Variants in OTUD7A observed in about 807,000 individuals in gnomAD.
OTUD7A encodes the protein OTU domain-containing protein 7A.
A neutral mutation model predicts 65.7 loss-of-function variants in OTUD7A; 12 were observed. The ratio of observed to expected loss-of-function variants is 0.18; its 90% CI spans 0.12 to 0.30. OTUD7A has a LOEUF of 0.30. Ranked by LOEUF, OTUD7A falls within the 10% of genes least tolerant of loss-of-function variation. OTUD7A has a pLI of 1.00. For synonymous variants in OTUD7A, 641 were observed against 586.3 expected, an observed-to-expected ratio of 1.09 and a Z score of -1.35; for missense variants, 1,148 against 1,304.8, an observed-to-expected ratio of 0.88 and a Z score of 1.85.
At chr15:31,601,907 G>C (rs570994712) in intron 3 of OTUD7A, among the ~76,000 whole-genome samples, 1 of 152,256 alleles carries the variant, frequency 6.6e-6, no homozygotes, top group South Asian at 2.1e-4. Flanking sequence ...AAGCCAGGAA[G>C]AAGTCAAATC....
chr15:31,521,865 T>A lies in OTUD7A; in HGVS notation c.893+4484A>T, dbSNP rs145388122. Among the ~76,000 whole-genome samples, 487 of 152,302 alleles carry A rather than the reference T, an allele frequency of 3.2e-3. 2 individuals carry two copies. The highest frequency in any genetic ancestry group is 0.011 in the African/African-American group (457 of 41,576). On this transcript the variant is annotated intron_variant, in intron 8 of 12. Coordinates refer to ENST00000307050, the MANE Select transcript of OTUD7A (RefSeq NM_001382637.1). Reference sequence around the variant, plus strand: ...AACGGTCCCTCTTGCTCTGCTCTCTTCTCCTCTTTGTCTGTCGGACTGGCC... The same window carrying A: ...AACGGTCCCTCTTGCTCTGCTCTCTACTCCTCTTTGTCTGTCGGACTGGCC...
intron 12 of OTUD7A, among the ~76,000 whole-genome samples, chr15:31,486,796 T>C (rs1233996710): frequency 1.3e-5 from 2 of 152,258 alleles, no homozygotes; most frequent in Non-Finnish European, 2.9e-5. Flanking sequence ...GGCAGCACAT[T>C]GTGTTCTGAT....
chr15:31,589,926 A>G (rs1206656127), intron 3 of OTUD7A, among the ~76,000 whole-genome samples: 1 of 152,208 alleles, frequency 6.6e-6, no homozygotes, highest in Non-Finnish European at 1.5e-5. Flanking sequence ...CTTATGATAA[A>G]AGGATAATAA....
At chr15:31,514,037 T>TTTTC (rs148926323) in intron 8 of OTUD7A, among the ~76,000 whole-genome samples, 34 of 141,666 alleles carry the variant, frequency 2.4e-4, no homozygotes, top group South Asian at 4.3e-4. Flanking sequence ...TCTTTTTTTC[T>TTTTC]TTTCTTTCTT....
At chr15:31,543,831 T>A (rs570527930) in intron 5 of OTUD7A, among the ~76,000 whole-genome samples, 2 of 151,730 alleles carry the variant, frequency 1.3e-5, no homozygotes, top group African/African-American at 4.8e-5. Flanking sequence ...CTATCGGTAA[T>A]TGAGAGAAAA....
chr15:31,525,364 A>C (rs1366859759), intron 8 of OTUD7A, among the ~76,000 whole-genome samples: 1 of 152,226 alleles, frequency 6.6e-6, no homozygotes, highest in Non-Finnish European at 1.5e-5. Flanking sequence ...CCCTGGAGGA[A>C]GGGTGTGCCA....
intron 1 of OTUD7A, among the ~76,000 whole-genome samples, chr15:31,825,363 A>G (rs1439948463): frequency 2.0e-5 from 3 of 152,240 alleles, no homozygotes; most frequent in African/African-American, 7.2e-5. Context: ...GAAGCAGGCA[A>G]GGAAAGAATA....
chr15:31,500,704 T>G (rs1432324028), intron 10 of OTUD7A, among the ~76,000 whole-genome samples: 1 of 152,250 alleles, frequency 6.6e-6, no homozygotes, highest in Non-Finnish European at 1.5e-5. Flanking sequence ...CTTCCTGAGC[T>G]GCACACTCAG....
At chr15:31,766,426 T>G in intron 1 of OTUD7A, 1 of 1,581,142 alleles carries the variant, frequency 6.3e-7, no homozygotes, top group South Asian at 1.1e-5. Flanking sequence ...AAACTTTGTG[T>G]GCCAGTCAAC....
Position 31,611,436 on chromosome 15 carries a change from G to A in OTUD7A, c.152-41239C>T, listed in dbSNP as rs148108486. Among the ~76,000 whole-genome samples the A allele has an allele frequency of 1.2e-4, 18 of 152,180 alleles. No individual in the cohort carries two copies. The East Asian group carries it at 2.9e-3, about 25-fold the overall frequency. Reference sequence around the variant, plus strand: ...AGTAAGATTAACCAAGAAAAGAAGAGAGAAAATCCAAATAACCTCATTAAG... The same window carrying A: ...AGTAAGATTAACCAAGAAAAGAAGAAAGAAAATCCAAATAACCTCATTAAG... On this transcript the variant is annotated intron_variant, in intron 3 of 12. Transcript: ENST00000307050.
chr15:31,522,182 G>A (rs146845777), intron 8 of OTUD7A, among the ~76,000 whole-genome samples: 1 of 152,216 alleles, frequency 6.6e-6, no homozygotes, highest in African/African-American at 2.4e-5. Context: ...GGCATTTTGG[G>A]TGAGATTAGC....
At position 31,483,169 on chromosome 15, in the gene OTUD7A, G is replaced by C. The variant is rs757404867; in HGVS notation, c.*125C>G. 1.1e-6 allele frequency: 1 copy of C among 912,824 alleles called. No homozygotes were observed. The highest frequency in any genetic ancestry group is 1.8e-5 in the African/African-American group (1 of 55,738). The allele number at this position is 912,824 out of a possible 1,614,324, so 56.5% of individuals were successfully genotyped here. ...CCATTAGGAACGTTTGACCAAACAC[G>C]TACACGGCACTGACAGAGGAGGCGC... is the stretch of plus-strand genomic sequence containing the variant. On this transcript the variant is annotated 3_prime_UTR_variant, in exon 13 of 13. Transcript: ENST00000307050.
At position 31,559,203 on chromosome 15, in the gene OTUD7A, G is replaced by A. The variant is rs774686811; in HGVS notation, c.332-16C>T. The A allele has an allele frequency of 1.1e-5, 18 of 1,609,170 alleles. No individual in the cohort carries two copies. The highest frequency in any genetic ancestry group is 1.5e-5 in the Non-Finnish European group (18 of 1,177,160). On this transcript the variant is annotated splice_polypyrimidine_tract_variant and intron_variant, in intron 4 of 12. Transcript: ENST00000307050. ...AGCCGCTTTTCTGCAGGGGGAGAAG[G>A]AAAGATAGCCCCAAGGGCTGAGTGG...
chr15:31,669,926 TG>T (rs749603199), intron 1 of OTUD7A, among the ~76,000 whole-genome samples: 4 of 148,086 alleles, frequency 2.7e-5, no homozygotes, highest in African/African-American at 1.0e-4. Context: ...ATTTCTCCAT[TG>T]GGGGTGTGTG....
intron 1 of OTUD7A, among the ~76,000 whole-genome samples, chr15:31,748,464 A>T (rs1894539510): frequency 6.6e-6 from 1 of 151,552 alleles, no homozygotes; most frequent in South Asian, 2.1e-4. Context: ...ATATATATAA[A>T]ATATATATAG....
chr15:31,795,315 G>C (rs958937985), intron 1 of OTUD7A, among the ~76,000 whole-genome samples: 1 of 152,216 alleles, frequency 6.6e-6, no homozygotes, highest in Non-Finnish European at 1.5e-5. Context: ...CGGGAAGGTT[G>C]AACAGAGTCG....
At chr15:31,509,827 C>T (rs941766093) in intron 8 of OTUD7A, among the ~76,000 whole-genome samples, 3 of 151,540 alleles carry the variant, frequency 2.0e-5, no homozygotes, top group Non-Finnish European at 2.9e-5. Context: ...CATGTTTTAA[C>T]GTTCTGCCTT....
chr15:31,695,753 T>A, intron 1 of OTUD7A, among the ~76,000 whole-genome samples: 1 of 151,882 alleles, frequency 6.6e-6, no homozygotes, highest in Non-Finnish European at 1.5e-5. Flanking sequence ...AAGTCACGGC[T>A]TGCCTTGTCA....
At chr15:31,531,581 C>T (rs1469346891) in intron 5 of OTUD7A, among the ~76,000 whole-genome samples, 1 of 149,372 alleles carries the variant, frequency 6.7e-6, no homozygotes, top group African/African-American at 2.5e-5. Flanking sequence ...GACAGAATAC[C>T]AGGAAAGGGG....
Sources: allele counts gnomAD v4.1 joint callset (sites outside exome capture counted in the v4.1 genomes callset), GRCh38; gene constraint gnomAD v4.1.1; transcripts MANE v1.5; gene names NCBI Gene and HGNC (gene_info 2026-07-23, HGNC 2026-07-21).